Variants in MDGA2 observed in about 807,000 individuals in gnomAD.
The protein encoded by MDGA2 is MAM domain containing glycosylphosphatidylinositol anchor 2.
A neutral mutation model predicts 117.8 loss-of-function variants in MDGA2; 40 were observed. The ratio of observed to expected loss-of-function variants is 0.34; its 90% confidence interval spans 0.26 to 0.44. The LOEUF is 0.44. Among genes scored for constraint, MDGA2 ranks in the 20% least tolerant of loss-of-function variants. MDGA2 has a pLI of 1.00. For missense variants in MDGA2, 1,123 were observed against 1,250.6 expected (o/e 0.90, Z 1.54); for synonymous variants, 452 against 439.0 (o/e 1.03, Z -0.37).
chr14:47,613,261 G>A (rs879595660), intron 1 of MDGA2, among the ~76,000 whole-genome samples: 6 of 152,054 alleles, frequency 3.9e-5, no homozygotes, highest in Admixed American at 3.3e-4. Context: ...CAAAAGCCCC[G>A]TTGTTCATTA....
intron 8 of MDGA2, among the ~76,000 whole-genome samples, chr14:47,032,937 C>T (rs1888714529): frequency 6.6e-6 from 1 of 152,138 alleles, no homozygotes; most frequent in South Asian, 2.1e-4. Context: ...GGAAGTTTTC[C>T]TCTGAGAGGA....
intron 3 of MDGA2, among the ~76,000 whole-genome samples, chr14:47,185,513 T>C (rs1884875305): frequency 6.6e-6 from 1 of 151,446 alleles, no homozygotes; most frequent in Non-Finnish European, 1.5e-5. Context: ...GTACACAGTA[T>C]CAAAATTGAC....
At chr14:46,896,067 T>A (rs1883064907) in intron 10 of MDGA2, among the ~76,000 whole-genome samples, 1 of 152,210 alleles carries the variant, frequency 6.6e-6, no homozygotes, top group African/African-American at 2.4e-5. Flanking sequence ...TTAACTGGGT[T>A]AAAATGTATA....
chr14:47,017,971 T>C (rs879278276), intron 8 of MDGA2, among the ~76,000 whole-genome samples: 3 of 152,158 alleles, frequency 2.0e-5, no homozygotes, highest in Non-Finnish European at 4.4e-5. Flanking sequence ...TTTTTCCCAG[T>C]GCATTCTGCC....
At chr14:46,934,453 CAG>C (rs1884705388) in intron 9 of MDGA2, among the ~76,000 whole-genome samples, 1 of 152,104 alleles carries the variant, frequency 6.6e-6, no homozygotes, top group Non-Finnish European at 1.5e-5. Context: ...GTCAAATACA[CAG>C]AGGCATATTT....
intron 4 of MDGA2, among the ~76,000 whole-genome samples, chr14:47,141,086 C>A (rs767194578): frequency 3.9e-5 from 6 of 151,986 alleles, no homozygotes; most frequent in Non-Finnish European, 7.4e-5. Context: ...AAAACAAAAC[C>A]ACAGTGAGCT....
intron 1 of MDGA2, among the ~76,000 whole-genome samples, chr14:47,381,789 A>T (rs1356026926): frequency 6.6e-6 from 1 of 152,204 alleles, no homozygotes; most frequent in Non-Finnish European, 1.5e-5. Context: ...ATACTGCCCA[A>T]GGTAATTTAT....
intron 8 of MDGA2, among the ~76,000 whole-genome samples, chr14:47,025,073 C>T (rs7142381): frequency 0.085 from 12,854 of 152,104 alleles, 771 homozygotes; most frequent in South Asian, 0.25. Flanking sequence ...TGGAAACATG[C>T]TTTCTTAATA....
At chr14:47,482,769 G>A (rs1281413170) in intron 1 of MDGA2, among the ~76,000 whole-genome samples, 2 of 151,746 alleles carry the variant, frequency 1.3e-5, no homozygotes, top group Non-Finnish European at 2.9e-5. Context: ...AGACTTATTA[G>A]GAGATTTGGC....
chr14:47,055,655 C>G (rs539107251), intron 7 of MDGA2, among the ~76,000 whole-genome samples: 23 of 152,226 alleles, frequency 1.5e-4, no homozygotes, highest in African/African-American at 5.5e-4. Flanking sequence ...TATTTTATTT[C>G]TGAATTAATA....
intron 1 of MDGA2, among the ~76,000 whole-genome samples, chr14:47,661,739 A>T: frequency 7.0e-6 from 1 of 142,082 alleles, no homozygotes; most frequent in East Asian, 2.2e-4. Context: ...CGAAGTAATC[A>T]GAGTTTCTTT....
chr14:47,034,748 ACACACACACACACACACACACT>A (rs1009390166), intron 8 of MDGA2, among the ~76,000 whole-genome samples: 1 of 151,758 alleles, frequency 6.6e-6, no homozygotes, highest in African/African-American at 2.4e-5. Flanking sequence ...ACACACACAC[ACACACACACACACACACACACT>A]AAAACAACTC....
intron 1 of MDGA2, among the ~76,000 whole-genome samples, chr14:47,627,224 AC>A (rs1262273873): frequency 1.3e-5 from 2 of 151,982 alleles, no homozygotes; most frequent in Non-Finnish European, 2.9e-5. Flanking sequence ...TTGTGAATGC[AC>A]CAATTGGCAC....
chr14:47,359,138 G>A (rs768253784), intron 1 of MDGA2, among the ~76,000 whole-genome samples: 1 of 152,102 alleles, frequency 6.6e-6, no homozygotes, highest in Non-Finnish European at 1.5e-5. Flanking sequence ...GGTGGATCAC[G>A]AGGTCAGGAG....
At chr14:46,848,474 T>C (rs1161678722) in intron 15 of MDGA2, among the ~76,000 whole-genome samples, 1 of 151,968 alleles carries the variant, frequency 6.6e-6, no homozygotes, top group Non-Finnish European at 1.5e-5. Context: ...GGGAAAGCCA[T>C]AGTTTAATTA....
At chr14:46,940,325 T>C (rs17117762) in intron 9 of MDGA2, among the ~76,000 whole-genome samples, 10,775 of 152,166 alleles carry the variant, frequency 0.071, 650 homozygotes, top group African/African-American at 0.15. Flanking sequence ...AGCTATATCT[T>C]TCCTTAAAAC....
chr14:47,662,597 A>C lies in MDGA2; in HGVS notation c.280+11920T>G, dbSNP rs79623813. Among the ~76,000 whole-genome samples the C allele has an allele frequency of 2.3e-4, 35 of 152,320 alleles. No individual in the cohort carries two copies. The East Asian group carries it at 6.6e-3, about 29-fold the overall frequency. Reference sequence around the variant, plus strand: ...AAAGATATAATGACCATAGAGTTCAACTGCAAAATCACAGGAAGCAAGAAG... The same window carrying C: ...AAAGATATAATGACCATAGAGTTCACCTGCAAAATCACAGGAAGCAAGAAG... On this transcript the variant is annotated intron_variant, in intron 1 of 16. Coordinates refer to ENST00000399232, the MANE Select transcript of MDGA2 (RefSeq NM_001113498.3).
At chr14:46,856,507 C>G (rs1310381494) in intron 14 of MDGA2, among the ~76,000 whole-genome samples, 6 of 152,088 alleles carry the variant, frequency 3.9e-5, no homozygotes, top group Admixed American at 1.3e-4. Flanking sequence ...GCTTCTATCA[C>G]TAATCAATGA....
intron 1 of MDGA2, among the ~76,000 whole-genome samples, chr14:47,668,290 G>A (rs953335937): frequency 2.6e-5 from 4 of 152,102 alleles, no homozygotes; most frequent in African/African-American, 9.7e-5. Flanking sequence ...GAATTGCACC[G>A]GTATAAAACG....
Sources: gnomAD v4.1 joint callset for allele counts (sites outside exome capture counted in the v4.1 genomes callset) on GRCh38, gnomAD v4.1.1 for gene constraint, MANE v1.5 for transcripts, NCBI Gene and HGNC (gene_info 2026-07-23, HGNC 2026-07-21) for gene names.